The following SNTG2 variants were observed in gnomAD, a reference collection of about 807,000 sequenced individuals.
SNTG2 encodes the protein syntrophin gamma 2.
A neutral mutation model predicts 70.9 loss-of-function variants in SNTG2; 74 were observed. The observed-to-expected ratio is 1.04, with a 90% confidence interval of 0.86 to 1.27. The LOEUF (loss-of-function observed/expected upper bound fraction) is 1.27. SNTG2 is among the 50% of genes most tolerant of loss of function. The probability of loss-of-function intolerance (pLI) is 0.00; values close to 1 mark genes in which losing one functional copy is unlikely to be tolerated. For synonymous variants in SNTG2, 278 were observed against 273.8 expected (o/e 1.02, Z -0.15); for missense variants, 717 against 690.7 (o/e 1.04, Z -0.43).
chr2:1,248,576 C>G (rs1479291202), intron 12 of SNTG2, among the ~76,000 whole-genome samples: 3 of 152,224 alleles, frequency 2.0e-5, no homozygotes, highest in African/African-American at 7.2e-5. Context: ...TAACCATGTT[C>G]TTTAACATTT....
intron 16 of SNTG2, among the ~76,000 whole-genome samples, chr2:1,342,014 T>C (rs1660124739): frequency 6.6e-6 from 1 of 152,078 alleles, no homozygotes; most frequent in South Asian, 2.1e-4. Context: ...CCCAGCCTGT[T>C]TTATTTTCTT....
chr2:1,245,681 T>C (rs1167855847), intron 11 of SNTG2, among the ~76,000 whole-genome samples: 2 of 152,158 alleles, frequency 1.3e-5, no homozygotes, highest in Non-Finnish European at 2.9e-5. Flanking sequence ...CCAACAAAAA[T>C]ATAAGTATGT....
At chr2:1,202,684 A>G (rs535920775) in intron 8 of SNTG2, among the ~76,000 whole-genome samples, 5 of 152,286 alleles carry the variant, frequency 3.3e-5, no homozygotes, top group Admixed American at 1.3e-4. Context: ...CAGAAAATAT[A>G]ATTTAAATAT....
intron 9 of SNTG2, among the ~76,000 whole-genome samples, chr2:1,230,357 G>A (rs936636104): frequency 2.0e-5 from 3 of 152,288 alleles, no homozygotes; most frequent in East Asian, 1.9e-4. Context: ...ATGTCTGGGG[G>A]CCGGGACTCA....
chr2:1,066,813 C>T (rs1045869241), intron 1 of SNTG2, among the ~76,000 whole-genome samples: 6 of 152,060 alleles, frequency 3.9e-5, no homozygotes, highest in East Asian at 1.9e-4. Context: ...GTAGAACGGT[C>T]GTCTTTGAGT....
At chr2:978,655 A>C (rs1435344471) in intron 1 of SNTG2, among the ~76,000 whole-genome samples, 1 of 152,212 alleles carries the variant, frequency 6.6e-6, no homozygotes, top group African/African-American at 2.4e-5. Context: ...ACCGGGGCTG[A>C]AAGCTGTTAG....
intron 4 of SNTG2, among the ~76,000 whole-genome samples, chr2:1,122,113 C>T (rs926457093): frequency 6.6e-6 from 1 of 152,058 alleles, no homozygotes; most frequent in Admixed American, 6.6e-5. Flanking sequence ...AAAAAGTAAT[C>T]AAATCCTTTC....
intron 1 of SNTG2, among the ~76,000 whole-genome samples, chr2:1,069,908 C>A (rs1323770146): frequency 1.3e-5 from 2 of 152,182 alleles, no homozygotes; most frequent in Admixed American, 6.5e-5. Flanking sequence ...CAGCACCTCA[C>A]CCAGGAATCC....
chr2:1,255,899 T>A (rs1201801657), intron 12 of SNTG2, among the ~76,000 whole-genome samples: 1 of 96,852 alleles, frequency 1.0e-5, no homozygotes, highest in Admixed American at 1.2e-4. Flanking sequence ...TATATAAATA[T>A]ATATATAAAT....
At chr2:1,197,519 G>GTATATATA (rs58615451) in intron 8 of SNTG2, among the ~76,000 whole-genome samples, 1 of 81,644 alleles carries the variant, frequency 1.2e-5, no homozygotes, top group African/African-American at 4.0e-5. Context: ...ATATATATGT[G>GTATATATA]TGTGTGTGTG....
At chr2:1,151,394 C>A (rs1669488020) in intron 6 of SNTG2, among the ~76,000 whole-genome samples, 1 of 123,582 alleles carries the variant, frequency 8.1e-6, no homozygotes, top group South Asian at 2.7e-4. Flanking sequence ...TTGTTTGTTG[C>A]TTGTTTGGCT....
rs1454614615 is a variant in SNTG2, at chr2:1,247,287, C to T, written c.889-40C>T. 7.9e-6 allele frequency: 10 copies of T among 1,267,468 alleles called. No homozygotes were observed. In the Admixed American group the frequency reaches 1.7e-4, roughly 22 times the overall value. 78.5% of individuals were successfully genotyped at this position (1,267,468 alleles called of 1,614,324 possible). A position where few individuals can be genotyped will look rare whatever the true frequency, so the allele number is the denominator to read the frequency against. ...TAACTCTGCTGCTGTGACAGTATGC[C>T]CTCATTAAGGCTTGGTTTGTAATTT... is the stretch of plus-strand genomic sequence containing the variant. On this transcript the variant is annotated intron_variant, in intron 11 of 16. Coordinates refer to ENST00000308624, the MANE Select transcript of SNTG2 (RefSeq NM_018968.4).
chr2:1,321,539 T>G (rs1364618958), intron 16 of SNTG2, among the ~76,000 whole-genome samples: 1 of 152,174 alleles, frequency 6.6e-6, no homozygotes, highest in Non-Finnish European at 1.5e-5. Context: ...TGCTGAGTTT[T>G]CTTGGCAGGA....
chr2:1,257,045 G>A (rs1391460640), intron 12 of SNTG2, among the ~76,000 whole-genome samples: 1 of 151,642 alleles, frequency 6.6e-6, no homozygotes, highest in African/African-American at 2.4e-5. Flanking sequence ...AGTAGCCTGT[G>A]CCCCTCACTG....
intron 16 of SNTG2, among the ~76,000 whole-genome samples, chr2:1,360,286 T>C (rs1339852886): frequency 1.3e-5 from 2 of 151,736 alleles, no homozygotes; most frequent in African/African-American, 4.8e-5. Context: ...GGCTTTGCCC[T>C]TGTGCTCTGA....
At chr2:1,246,690 A>T (rs1677450291) in intron 11 of SNTG2, among the ~76,000 whole-genome samples, 1 of 152,096 alleles carries the variant, frequency 6.6e-6, no homozygotes. Context: ...AAAATATGTC[A>T]CATTAAAATT....
rs1346396605 is a variant in SNTG2 at position 996,737 on chromosome 2, G to GA, written c.72+45672dup. ...CTAGGTATTGATGAAAGCAACACAA[G>GA]AAAGACATTTTGGAGATGCTGGGGT... On this transcript the variant is annotated intron_variant, in intron 1 of 16. Coordinates refer to ENST00000308624, the MANE Select transcript of SNTG2 (RefSeq NM_018968.4). Among the ~76,000 whole-genome samples the GA allele has an allele frequency of 5.4e-5, 6 of 111,770 alleles. No homozygotes were observed. The Admixed American group carries it at 7.4e-4, about 14-fold the overall frequency. The allele number at this position is 111,770 out of a possible 152,430, so 73.3% of individuals were successfully genotyped here.
Position 1,035,031 on chromosome 2 carries a change from A to G in SNTG2, c.73-48487A>G, listed in dbSNP as rs1163775184. Among the ~76,000 whole-genome samples the G allele has an allele frequency of 2.6e-5, 4 of 152,246 alleles. 1 individual carries two copies. The South Asian group carries it at 8.3e-4, about 32-fold the overall frequency. On this transcript the variant is annotated intron_variant, in intron 1 of 16. Coordinates refer to ENST00000308624, the MANE Select transcript of SNTG2 (RefSeq NM_018968.4). ...CCAATCACTCTCTCAACCACAGTGC[A>G]ATAAAAATGGAAGCCAAGACTTAAA...
intron 4 of SNTG2, among the ~76,000 whole-genome samples, chr2:1,106,528 T>C (rs1666165164): frequency 7.6e-6 from 1 of 130,848 alleles, no homozygotes. Flanking sequence ...GAGAGCTCCT[T>C]GGTAAGAGTG....
Sources: gnomAD v4.1 joint callset for allele counts (sites outside exome capture counted in the v4.1 genomes callset) on GRCh38, gnomAD v4.1.1 for gene constraint, MANE v1.5 for transcripts, NCBI Gene and HGNC (gene_info 2026-07-23, HGNC 2026-07-21) for gene names.